CTNNA3: variants seen among roughly 807,000 people sequenced by gnomAD.
CTNNA3 encodes the protein catenin alpha-3.
CTNNA3 carries 76 observed loss-of-function variants against 95.7 expected under a neutral mutation model. The observed-to-expected ratio is 0.79, with a 90% CI of 0.66 to 0.96. The LOEUF (loss-of-function observed/expected upper bound fraction) is 0.96. Ranked by LOEUF, CTNNA3 falls within the 40% of genes least tolerant of loss-of-function variation. CTNNA3 has a pLI of 0.00. For synonymous variants in CTNNA3, 431 were observed against 374.4 expected, an observed-to-expected ratio of 1.15 and a Z score of -1.74; for missense variants, 1,191 against 1,089.8, an observed-to-expected ratio of 1.09 and a Z score of -1.31.
intron 16 of CTNNA3, among the ~76,000 whole-genome samples, chr10:65,975,197 TA>T (rs2078187675): frequency 6.6e-6 from 1 of 152,118 alleles, no homozygotes; most frequent in African/African-American, 2.4e-5. Context: ...ATCTGCAAGA[TA>T]GGCATGGACA....
intron 1 of CTNNA3, chr10:67,648,761 T>C (rs1349889008): frequency 6.2e-6 from 8 of 1,289,654 alleles, no homozygotes; most frequent in East Asian, 1.1e-4. Flanking sequence ...CTCCTTTGCG[T>C]TGATTTCATT....
chr10:66,824,968 T>C (rs372958290), intron 7 of CTNNA3, among the ~76,000 whole-genome samples: 4 of 151,766 alleles, frequency 2.6e-5, no homozygotes, highest in South Asian at 2.1e-4. Flanking sequence ...ATGTTAACAA[T>C]AGGGGAAACT....
At chr10:66,637,003 G>T (rs1216429213) in intron 9 of CTNNA3, among the ~76,000 whole-genome samples, 1 of 152,068 alleles carries the variant, frequency 6.6e-6, no homozygotes, top group East Asian at 1.9e-4. Context: ...GTTTTAAAAA[G>T]TCTTAAAGAA....
intron 9 of CTNNA3, among the ~76,000 whole-genome samples, chr10:66,638,076 G>A (rs892641373): frequency 7.9e-5 from 12 of 152,158 alleles, no homozygotes; most frequent in African/African-American, 1.2e-4. Flanking sequence ...AACAAGACAA[G>A]ACTGTCAGCT....
At chr10:67,164,308 A>G (rs975307201) in intron 7 of CTNNA3, among the ~76,000 whole-genome samples, 6 of 152,108 alleles carry the variant, frequency 3.9e-5, no homozygotes, top group African/African-American at 1.4e-4. Flanking sequence ...AAATAGCCAT[A>G]CACAAGTACA....
chr10:65,939,004 G>A (rs533798976), intron 17 of CTNNA3, among the ~76,000 whole-genome samples: 14 of 151,774 alleles, frequency 9.2e-5, no homozygotes, highest in African/African-American at 3.1e-4. Context: ...CCGGGTTCAC[G>A]CCATTCTCCT....
At chr10:67,493,561 C>CAA (rs61570165) in intron 5 of CTNNA3, among the ~76,000 whole-genome samples, 6 of 94,136 alleles carry the variant, frequency 6.4e-5, no homozygotes, top group East Asian at 2.7e-4. Flanking sequence ...GACTCTGTCT[C>CAA]AAAAAAAAAA....
At chr10:66,088,091 T>A (rs1208361717) in intron 14 of CTNNA3, among the ~76,000 whole-genome samples, 1 of 152,102 alleles carries the variant, frequency 6.6e-6, no homozygotes, top group Non-Finnish European at 1.5e-5. Context: ...TTTTTCCTTA[T>A]GTTTATTTGA....
At chr10:66,434,059 T>C (rs1268915078) in intron 11 of CTNNA3, among the ~76,000 whole-genome samples, 1 of 152,156 alleles carries the variant, frequency 6.6e-6, no homozygotes, top group African/African-American at 2.4e-5. Flanking sequence ...TGTAGTGTAG[T>C]TTGAAGACAG....
At chr10:66,869,432 G>C (rs980945538) in intron 7 of CTNNA3, among the ~76,000 whole-genome samples, 1 of 151,974 alleles carries the variant, frequency 6.6e-6, no homozygotes, top group Non-Finnish European at 1.5e-5. Context: ...AATTAGCCCA[G>C]TGTGGTGGTG....
At chr10:67,601,983 A>C (rs1843097621) in intron 3 of CTNNA3, among the ~76,000 whole-genome samples, 1 of 152,204 alleles carries the variant, frequency 6.6e-6, no homozygotes, top group African/African-American at 2.4e-5. Context: ...GCAATAAAAC[A>C]GAATCTTGTA....
Position 66,778,424 on chromosome 10 carries a change from T to C in CTNNA3, c.1048-2900A>G, listed in dbSNP as rs574671539. Among the ~76,000 whole-genome samples the C allele has an allele frequency of 1.9e-4, 29 of 152,222 alleles. 1 individual carries two copies. The highest frequency in any genetic ancestry group is 7.7e-4 in the East Asian group (4 of 5,178). Reference sequence around the variant, plus strand: ...TGTGTTCTGAGACAAGAGATGGAAATGGCAGGATATTAAAACACAACTGCA... The same window carrying C: ...TGTGTTCTGAGACAAGAGATGGAAACGGCAGGATATTAAAACACAACTGCA... On this transcript the variant is annotated intron_variant, in intron 7 of 17. Coordinates refer to ENST00000433211, the MANE Select transcript of CTNNA3 (RefSeq NM_013266.4).
At chr10:66,933,107 C>G (rs2132648473) in intron 7 of CTNNA3, among the ~76,000 whole-genome samples, 1 of 152,312 alleles carries the variant, frequency 6.6e-6, no homozygotes, top group South Asian at 2.1e-4. Flanking sequence ...TTTCAAAAAG[C>G]CCTTAGTGAG....
chr10:66,180,404 C>G (rs923091473), intron 13 of CTNNA3, among the ~76,000 whole-genome samples: 3 of 152,060 alleles, frequency 2.0e-5, no homozygotes, highest in African/African-American at 7.2e-5. Context: ...TGTCAGAGGT[C>G]AGTATCATTG....
intron 11 of CTNNA3, among the ~76,000 whole-genome samples, chr10:66,420,854 G>A (rs988307932): frequency 7.8e-6 from 1 of 128,324 alleles, no homozygotes; most frequent in African/African-American, 3.1e-5. Flanking sequence ...ACAATATGGA[G>A]ATTTCTCAAA....
intron 5 of CTNNA3, among the ~76,000 whole-genome samples, chr10:67,237,136 ATATATATATATATATATATATATATATAT>A (rs1865514771): frequency 1.9e-5 from 1 of 51,548 alleles, no homozygotes; most frequent in Admixed American, 1.6e-4. Context: ...GTATATATAT[ATATATATATATATATATATATATATATAT>A]ATATATATAC....
intron 7 of CTNNA3, among the ~76,000 whole-genome samples, chr10:66,884,118 T>C (rs923183976): frequency 6.6e-6 from 1 of 151,998 alleles, no homozygotes; most frequent in African/African-American, 2.4e-5. Flanking sequence ...CTAGCTCTAA[T>C]GGAAACTAAT....
Position 66,426,509 on chromosome 10 carries a change from C to T in CTNNA3, c.1532-47157G>A, listed in dbSNP as rs116057840. Among the ~76,000 whole-genome samples the T allele has an allele frequency of 5.1e-3, 771 of 152,068 alleles. 17 individuals carry two copies. The highest frequency in any genetic ancestry group is 0.018 in the African/African-American group (749 of 41,514). ...TTTGAAAATGTCTCTATTTTGCTTT[C>T]ACTCTTAAAGGATAGCTTAGCTACA... is the stretch of plus-strand genomic sequence containing the variant. On this transcript the variant is annotated intron_variant, in intron 11 of 17. Coordinates refer to ENST00000433211, the MANE Select transcript of CTNNA3 (RefSeq NM_013266.4).
At chr10:67,692,966 C>T (rs564421970) in intron 1 of CTNNA3, among the ~76,000 whole-genome samples, 26 of 152,252 alleles carry the variant, frequency 1.7e-4, no homozygotes, top group African/African-American at 6.3e-4. Flanking sequence ...TCAATTTCCC[C>T]ATTGCCAGGA....
Sources: allele counts gnomAD v4.1 joint callset (sites outside exome capture counted in the v4.1 genomes callset), GRCh38; gene constraint gnomAD v4.1.1; transcripts MANE v1.5; gene names NCBI Gene and HGNC (gene_info 2026-07-23, HGNC 2026-07-21).